KLHL32: variants seen among roughly 807,000 people sequenced by gnomAD.
KLHL32 encodes the protein kelch-like protein 32.
KLHL32 carries 35 observed loss-of-function variants against 64.8 expected under a neutral mutation model. The ratio of observed to expected loss-of-function variants is 0.54; its 90% CI spans 0.41 to 0.72. The LOEUF is 0.72. Ranked by LOEUF, KLHL32 falls within the 30% of genes least tolerant of loss-of-function variation. KLHL32 has a pLI of 0.00. For missense variants in KLHL32, 589 were observed against 768.5 expected, an observed-to-expected ratio of 0.77 and a Z score of 2.76; for synonymous variants, 259 against 281.0, an observed-to-expected ratio of 0.92 and a Z score of 0.78.
intron 5 of KLHL32, among the ~76,000 whole-genome samples, chr6:97,081,636 C>T (rs1046028529): frequency 6.6e-6 from 1 of 152,202 alleles, no homozygotes; most frequent in African/African-American, 2.4e-5. Context: ...CTTTCCACTC[C>T]AAGTCAACTC....
chr6:97,085,061 T>C, intron 5 of KLHL32, 65 bp from the exon 6 acceptor site: 2 of 1,403,978 alleles, frequency 1.4e-6, no homozygotes, highest in Non-Finnish European at 2.0e-6. Flanking sequence ...TCTGAATTTC[T>C]TGCCTGCTCT....
At chr6:97,081,917 G>A (rs1490028910) in intron 5 of KLHL32, among the ~76,000 whole-genome samples, 1 of 152,212 alleles carries the variant, frequency 6.6e-6, no homozygotes, top group Non-Finnish European at 1.5e-5. Context: ...AGCCAGGGTG[G>A]ATAGGGTTGC....
intron 4 of KLHL32, among the ~76,000 whole-genome samples, chr6:97,049,892 A>G (rs1786580298): frequency 1.3e-5 from 2 of 152,322 alleles, no homozygotes; most frequent in South Asian, 4.1e-4. Flanking sequence ...TGGTCCCAAG[A>G]CCTGTCTCTT....
chr6:97,122,363 A>G (rs572123956), intron 7 of KLHL32, among the ~76,000 whole-genome samples: 2 of 152,322 alleles, frequency 1.3e-5, no homozygotes, highest in East Asian at 3.9e-4. Context: ...TGGATTATGT[A>G]TGCTTCTATT....
At chr6:97,000,870 A>G (rs1778941788) in intron 3 of KLHL32, among the ~76,000 whole-genome samples, 1 of 152,240 alleles carries the variant, frequency 6.6e-6, no homozygotes, top group Admixed American at 6.5e-5. Flanking sequence ...TGAGCTATCA[A>G]GCCATGAAAA....
At chr6:96,942,737 G>A (rs1228213078) in intron 1 of KLHL32, among the ~76,000 whole-genome samples, 1 of 151,244 alleles carries the variant, frequency 6.6e-6, no homozygotes, top group Non-Finnish European at 1.5e-5. Flanking sequence ...CAAGGAAGAA[G>A]AGAGAGGGGA....
In KLHL32 at chr6:96,962,033, G is replaced by A. The variant is rs115841368; in HGVS notation, c.-65-4963G>A. On this transcript the variant is annotated intron_variant, in intron 1 of 10. Coordinates refer to ENST00000369261, the MANE Select transcript of KLHL32 (RefSeq NM_052904.4). The stretch of plus-strand genomic sequence containing the variant: ...GTGGGAGTTTAGTTATGTATTTTTC[G>A]GTCATATAACTTGCCAGTGGCAGTT... Among the ~76,000 whole-genome samples the A allele has an allele frequency of 9.7e-3, 1,478 of 152,134 alleles. 35 individuals carry two copies. The highest frequency in any genetic ancestry group is 0.034 in the African/African-American group (1,415 of 41,496).
chr6:97,078,985 A>G (rs1792052737), intron 5 of KLHL32, among the ~76,000 whole-genome samples: 1 of 152,206 alleles, frequency 6.6e-6, no homozygotes, highest in African/African-American at 2.4e-5. Context: ...TTGTATCATC[A>G]TTGGCACACA....
At chr6:97,095,441 G>A (rs1372103634) in intron 6 of KLHL32, among the ~76,000 whole-genome samples, 1 of 152,204 alleles carries the variant, frequency 6.6e-6, no homozygotes, top group Admixed American at 6.5e-5. Context: ...GCTGTGTAGT[G>A]CTTTAGAATG....
the KLHL32 span, among the ~76,000 whole-genome samples, chr6:96,902,633 T>C: frequency 2.0e-5 from 3 of 152,218 alleles, no homozygotes; most frequent in Admixed American, 2.0e-4. Context: ...TTGCAATTGC[T>C]TTTGGTGTCT....
chr6:97,104,155 A>G (rs1562340557), intron 6 of KLHL32, among the ~76,000 whole-genome samples: 2 of 152,202 alleles, frequency 1.3e-5, no homozygotes, highest in Non-Finnish European at 2.9e-5. Flanking sequence ...TTGATATAAA[A>G]TTTACCTTTT....
chr6:96,950,423 G>T (rs1398652953), intron 1 of KLHL32, among the ~76,000 whole-genome samples: 2 of 151,362 alleles, frequency 1.3e-5, no homozygotes. Flanking sequence ...TCATGCCCAC[G>T]TTCTTTCTTC....
chr6:97,029,343 A>G (rs1012214810), intron 3 of KLHL32, among the ~76,000 whole-genome samples: 3 of 152,222 alleles, frequency 2.0e-5, no homozygotes, highest in African/African-American at 7.2e-5. Context: ...CAAGCTACAT[A>G]TTTGAAGATT....
intron 10 of KLHL32, among the ~76,000 whole-genome samples, chr6:97,136,942 G>T (rs531804465): frequency 6.6e-6 from 1 of 152,110 alleles, no homozygotes; most frequent in African/African-American, 2.4e-5. Context: ...GCTCTTTCTG[G>T]GTTGCGTCTT....
At chr6:96,999,562 A>G (rs1582649840) in intron 3 of KLHL32, 1 of 972,514 alleles carries the variant, frequency 1.0e-6, no homozygotes, top group Non-Finnish European at 1.2e-6. Context: ...AAATCCAGGT[A>G]TTAGGACCAT....
chr6:97,108,014 AT>A (rs1042343519), intron 6 of KLHL32, among the ~76,000 whole-genome samples: 9 of 152,294 alleles, frequency 5.9e-5, no homozygotes, highest in African/African-American at 2.2e-4. Context: ...GGTCAGATGA[AT>A]TGGGTCAGGC....
chr6:97,041,760 A>C (rs1785153860), intron 4 of KLHL32, among the ~76,000 whole-genome samples, 161 bp downstream of exon 4: 2 of 152,230 alleles, frequency 1.3e-5, no homozygotes, highest in African/African-American at 4.8e-5. Context: ...AGTTATGGAA[A>C]GGTAAGTAAA....
At chr6:96,905,156 G>A in the KLHL32 span, among the ~76,000 whole-genome samples, 13 of 152,214 alleles carry the variant, frequency 8.5e-5, no homozygotes, top group African/African-American at 3.1e-4. Flanking sequence ...AGCTACAGAA[G>A]GTAGTCTTGA....
intron 7 of KLHL32, among the ~76,000 whole-genome samples, chr6:97,118,789 A>G (rs1311816965): frequency 6.6e-6 from 1 of 152,126 alleles, no homozygotes; most frequent in Non-Finnish European, 1.5e-5. Context: ...AACCTCTCCA[A>G]GTCCTGTTCC....
Sources: allele counts gnomAD v4.1 joint callset (sites outside exome capture counted in the v4.1 genomes callset), GRCh38; gene constraint gnomAD v4.1.1; transcripts MANE v1.5; gene names NCBI Gene and HGNC (gene_info 2026-07-23, HGNC 2026-07-21).